The following RYR2 variants were observed in gnomAD, a reference collection of about 807,000 sequenced individuals.
The protein encoded by RYR2 is cardiac muscle ryanodine receptor-calcium release channel.
RYR2 carries 227 observed loss-of-function variants against 601.1 expected under a neutral mutation model. That is an observed-to-expected ratio of 0.38 (90% CI 0.34 to 0.42). The LOEUF (loss-of-function observed/expected upper bound fraction) is 0.42. Ranked by LOEUF, RYR2 falls within the 10% of genes least tolerant of loss-of-function variation. The probability of loss-of-function intolerance (pLI) is 1.00; values close to 1 mark genes in which losing one functional copy is unlikely to be tolerated. For missense variants in RYR2, 4,646 were observed against 6,156.5 expected (o/e 0.75, Z 8.21); for synonymous variants, 2,223 against 2,175.1 (o/e 1.02, Z -0.61).
intron 8 of RYR2, 148 bp from the exon 9 acceptor site, chr1:237,387,133 G>C (rs1033405770): frequency 1.4e-6 from 1 of 702,422 alleles, no homozygotes; most frequent in Non-Finnish European, 2.5e-6. Flanking sequence ...CTTCTGACTA[G>C]TTTTTTGATT....
chr1:237,165,121 T>A (rs1011366278), intron 1 of RYR2, among the ~76,000 whole-genome samples: 7 of 152,002 alleles, frequency 4.6e-5, no homozygotes, highest in African/African-American at 1.7e-4. Context: ...CATACCTGGC[T>A]AATTAATTTT....
At chr1:237,164,004 G>A (rs921419414) in intron 1 of RYR2, among the ~76,000 whole-genome samples, 10 of 152,190 alleles carry the variant, frequency 6.6e-5, no homozygotes, top group African/African-American at 2.4e-4. Flanking sequence ...GTAACTGAAG[G>A]CTGGGATGCA....
chr1:237,386,983 A>G (rs1701999161), intron 8 of RYR2, among the ~76,000 whole-genome samples: 1 of 152,254 alleles, frequency 6.6e-6, no homozygotes, highest in African/African-American at 2.4e-5. Flanking sequence ...TTCATCAACC[A>G]TCGTTAAAAC....
rs375321831 is a variant in RYR2 at position 237,046,365 on chromosome 1, T to C, written c.48+3796T>C. On this transcript the variant is annotated intron_variant, in intron 1 of 104. Transcript: ENST00000366574. ...CTTCTTTATCTGCTGTTCAAGTATG[T>C]TTTAGGTTTATAGCAAAAGAATACC... 6.6e-5 allele frequency among the ~76,000 whole-genome samples: 10 copies of C among 152,286 alleles called. No individual in the cohort carries two copies. The South Asian group carries it at 8.3e-4, about 13-fold the overall frequency.
chr1:237,092,510 T>C (rs1171774475), intron 1 of RYR2, among the ~76,000 whole-genome samples: 1 of 137,464 alleles, frequency 7.3e-6, no homozygotes, highest in Non-Finnish European at 1.5e-5. Context: ...AGATCACAGA[T>C]AGTCTTTTTT....
chr1:237,149,525 T>G (rs2148806567), intron 1 of RYR2, among the ~76,000 whole-genome samples: 1 of 152,256 alleles, frequency 6.6e-6, no homozygotes, highest in East Asian at 1.9e-4. Context: ...TTAATAGGAT[T>G]AACCATAGGT....
intron 1 of RYR2, among the ~76,000 whole-genome samples, chr1:237,140,772 C>G (rs780964980): frequency 2.4e-4 from 36 of 152,240 alleles, no homozygotes; most frequent in Admixed American, 6.5e-5. Context: ...TTTGACTTAC[C>G]TTGGACCATA....
At chr1:237,656,504 A>G (rs1683259924) in intron 53 of RYR2, among the ~76,000 whole-genome samples, 1 of 152,198 alleles carries the variant, frequency 6.6e-6, no homozygotes, top group African/African-American at 2.4e-5. Context: ...GAAAATTCCA[A>G]TTGTTCTACA....
chr1:237,717,271 TTGTA>T lies in RYR2; in HGVS notation c.10398_10401del (p.Ile3466MetfsTer4). 1 of 1,613,694 alleles carries T rather than the reference TTGTA, an allele frequency of 6.2e-7. No individual in the cohort carries two copies. Among genetic ancestry groups the T allele is most frequent in the Non-Finnish European group, 8.5e-7 (1 of 1,179,690 alleles). On this transcript the variant is annotated frameshift_variant, in exon 72 of 105. Coordinates refer to ENST00000366574, the MANE Select transcript of RYR2 (RefSeq NM_001035.3). LOFTEE classifies it high-confidence loss of function. Reference sequence around the variant, plus strand: ...CGGTATTCCATGCAGACCTCTCTGATTGTAGCAGCTCTGAAGCGGTTACTGCCCA... The same window carrying T: ...CGGTATTCCATGCAGACCTCTCTGATGCAGCTCTGAAGCGGTTACTGCCCA...
chr1:237,756,475 A>G, intron 81 of RYR2, 88 bp downstream of exon 81: 1 of 791,436 alleles, frequency 1.3e-6, no homozygotes, highest in Non-Finnish European at 2.1e-6. Flanking sequence ...AATTCCACTG[A>G]CTCATTTAGT....
At chr1:237,269,263 G>A (rs1480738577) in intron 1 of RYR2, among the ~76,000 whole-genome samples, 4 of 151,342 alleles carry the variant, frequency 2.6e-5, no homozygotes, top group Non-Finnish European at 4.4e-5. Flanking sequence ...GGCTGGTCTC[G>A]AACTCCCAAC....
At chr1:237,728,155 A>G (rs533475478) in intron 76 of RYR2, among the ~76,000 whole-genome samples, 15 of 152,116 alleles carry the variant, frequency 9.9e-5, no homozygotes, top group Admixed American at 2.6e-4. Context: ...GTACATTGAC[A>G]TTCAGTAAGA....
chr1:237,796,635 T>C (rs1342223213), intron 96 of RYR2, among the ~76,000 whole-genome samples: 1 of 152,136 alleles, frequency 6.6e-6, no homozygotes, highest in East Asian at 1.9e-4. Context: ...TTCAATCTTG[T>C]TCAGTATATT....
chr1:237,238,116 C>T (rs762168306), intron 1 of RYR2, among the ~76,000 whole-genome samples: 3 of 151,876 alleles, frequency 2.0e-5, no homozygotes, highest in Non-Finnish European at 2.9e-5. Flanking sequence ...ACACCAGTAG[C>T]TACCACACCT....
At chr1:237,190,179 G>A (rs1375491776) in intron 1 of RYR2, among the ~76,000 whole-genome samples, 7 of 151,994 alleles carry the variant, frequency 4.6e-5, no homozygotes, top group African/African-American at 9.7e-5. Flanking sequence ...TTGAGCCACC[G>A]TGCCCAGCCA....
intron 1 of RYR2, among the ~76,000 whole-genome samples, chr1:237,171,130 AG>A (rs1166797560): frequency 6.6e-6 from 1 of 151,832 alleles, no homozygotes; most frequent in East Asian, 1.9e-4. Context: ...GCTACTCGGG[AG>A]GCTGAGGCAG....
chr1:237,397,594 A>C (rs1702972688), intron 10 of RYR2, among the ~76,000 whole-genome samples: 1 of 152,170 alleles, frequency 6.6e-6, no homozygotes, highest in Non-Finnish European at 1.5e-5. Context: ...TTTGCCTAAA[A>C]ATTTGGAGTC....
In RYR2 at chr1:237,650,061, G is replaced by C. The variant is rs532016557; in HGVS notation, c.7697G>C (p.Arg2566Pro). 8.7e-6 allele frequency: 14 copies of C among 1,613,834 alleles called. No individual in the cohort carries two copies. The highest frequency in any genetic ancestry group is 1.2e-5 in the Non-Finnish European group (14 of 1,179,890). Reference sequence around the variant, plus strand: ...GGCTGTTCACTTACCAAAGCTCAGCGGGATTCCATAGAAGTTTGTTTACTC... The same window carrying C: ...GGCTGTTCACTTACCAAAGCTCAGCCGGATTCCATAGAAGTTTGTTTACTC... ...SKGCSLTKAQ[R>P]DSIEVCLLSI... Residue 2566 changes from arginine to proline, a missense_variant, in exon 50 of 105, where the codon CGG becomes CCG. Transcript: ENST00000366574.
At chr1:237,525,886 A>C (rs1667531973) in intron 24 of RYR2, among the ~76,000 whole-genome samples, 1 of 151,940 alleles carries the variant, frequency 6.6e-6, no homozygotes. Flanking sequence ...AGACTGGGGC[A>C]GTAGAATTGC....
Sources: allele counts gnomAD v4.1 joint callset (sites outside exome capture counted in the v4.1 genomes callset), GRCh38; gene constraint gnomAD v4.1.1; transcripts MANE v1.5; gene names NCBI Gene and HGNC (gene_info 2026-07-23, HGNC 2026-07-21).